FLNB: variants seen among roughly 807,000 people sequenced by gnomAD.
FLNB encodes the protein filamin-B.
In FLNB, 111 loss-of-function variants were observed where a neutral mutation model predicts 250.6. The ratio of observed to expected loss-of-function variants is 0.44; its 90% CI spans 0.38 to 0.52. FLNB has a LOEUF of 0.52. FLNB is among the 20% of genes least tolerant of loss of function. The probability of loss-of-function intolerance (pLI) is 0.00; values close to 1 mark genes in which losing one functional copy is unlikely to be tolerated. For synonymous variants in FLNB, 1,302 were observed against 1,372.1 expected, an observed-to-expected ratio of 0.95 and a Z score of 1.13; for missense variants, 2,869 against 3,447.8, an observed-to-expected ratio of 0.83 and a Z score of 4.20.
intron 1 of FLNB, among the ~76,000 whole-genome samples, chr3:58,070,660 CTTTTTTTTT>C (rs1202591087): frequency 1.1e-5 from 1 of 89,688 alleles, no homozygotes; most frequent in Non-Finnish European, 2.0e-5. Flanking sequence ...CTCTCTCTCT[CTTTTTTTTT>C]TTTTTTTTGA....
chr3:58,114,689 A>G (rs7428240), intron 18 of FLNB, among the ~76,000 whole-genome samples: 73,832 of 148,916 alleles, frequency 0.5, 20,995 homozygotes, highest in East Asian at 0.97. Context: ...CATCCTTGCT[A>G]ACATTTGTTT....
At chr3:58,053,601 C>T (rs1349310868) in intron 1 of FLNB, among the ~76,000 whole-genome samples, 3 of 152,144 alleles carry the variant, frequency 2.0e-5, no homozygotes. Context: ...GCTGGGACTA[C>T]AGACACCCAC....
chr3:58,152,468 A>C (rs2097346678), intron 38 of FLNB, among the ~76,000 whole-genome samples: 1 of 152,164 alleles, frequency 6.6e-6, no homozygotes, highest in Non-Finnish European at 1.5e-5. Flanking sequence ...TTGTATCCTC[A>C]CATGCTGGAG....
chr3:58,082,410 G>A (rs1409555010), intron 4 of FLNB, among the ~76,000 whole-genome samples: 1 of 152,154 alleles, frequency 6.6e-6, no homozygotes, highest in Non-Finnish European at 1.5e-5. Flanking sequence ...AACATGGCCA[G>A]ATACAACTTA....
At chr3:58,044,185 AT>A (rs1472322119) in intron 1 of FLNB, among the ~76,000 whole-genome samples, 1 of 152,092 alleles carries the variant, frequency 6.6e-6, no homozygotes, top group Non-Finnish European at 1.5e-5. Context: ...TTTAAGACAA[AT>A]CTGGGTGGGT....
At chr3:58,040,195 G>T (rs1241530239) in intron 1 of FLNB, among the ~76,000 whole-genome samples, 1 of 152,132 alleles carries the variant, frequency 6.6e-6, no homozygotes, top group East Asian at 1.9e-4. Context: ...CCCCAGCGCT[G>T]GCCTCTCAGG....
chr3:58,121,368 A>T lies in FLNB; in HGVS notation c.2991A>T (p.Thr997=). Residue 997 remains threonine (T), a synonymous_variant, in exon 20 of 46, where the codon ACA becomes ACT. Transcript: ENST00000295956. The part of the protein sequence containing the change: ...KVVPCLVTPV[T]GRENSTAKFI... ...TGCCATGCCTAGTGACACCTGTGAC[A>T]GGCCGGGAGAACAGCACGGCCAAGT... 6.2e-7 allele frequency: 1 copy of T among 1,614,176 alleles called. No individual in the cohort carries two copies. Among genetic ancestry groups the T allele is most frequent in the East Asian group, 2.2e-5 (1 of 44,884 alleles).
At chr3:58,038,734 T>G (rs1033084666) in intron 1 of FLNB, among the ~76,000 whole-genome samples, 6 of 152,128 alleles carry the variant, frequency 3.9e-5, no homozygotes, top group African/African-American at 1.4e-4. Flanking sequence ...GGCCGGATTT[T>G]AAAGTTCTGC....
chr3:58,010,842 C>T (rs1039013574), intron 1 of FLNB, among the ~76,000 whole-genome samples: 9 of 152,006 alleles, frequency 5.9e-5, no homozygotes, highest in South Asian at 2.1e-4. Context: ...CATCAGTGCC[C>T]GGGGCTGTGG....
At chr3:58,161,395 C>T (rs2097361512) in intron 42 of FLNB, among the ~76,000 whole-genome samples, 1 of 152,156 alleles carries the variant, frequency 6.6e-6, no homozygotes, top group African/African-American at 2.4e-5. Flanking sequence ...ATCCCCAATA[C>T]CCAAATGGAG....
Position 58,154,857 on chromosome 3 carries a change from G to A in FLNB, c.6701G>A (p.Ser2234Asn). 1.9e-6 allele frequency: 3 copies of A among 1,614,074 alleles called. No individual in the cohort carries two copies. The highest frequency in any genetic ancestry group is 2.5e-6 in the Non-Finnish European group (3 of 1,179,968). Residue 2234 changes from serine to asparagine, a missense_variant, in exon 40 of 46, where the codon AGT becomes AAT. Physicochemically the swap from Ser to Asn is conservative, Grantham distance 46. Coordinates refer to ENST00000295956, the MANE Select transcript of FLNB (RefSeq NM_001457.4). ...GGLSIAVEGP[S>N]KAEITFDDHK... ...CTCTCCATCGCTGTTGAGGGCCCCA[G>A]TAAGGCCGAGATTACATTCGATGAC...
chr3:58,155,835 A>G (rs1174680611), intron 40 of FLNB, 125 bp from the exon 41 acceptor site: 1 of 705,344 alleles, frequency 1.4e-6, no homozygotes, highest in Non-Finnish European at 2.6e-6. Context: ...CTCCCACTCA[A>G]CCAATCAGCT....
intron 1 of FLNB, among the ~76,000 whole-genome samples, chr3:58,048,955 G>A (rs1441395185): frequency 6.6e-6 from 1 of 152,184 alleles, no homozygotes; most frequent in African/African-American, 2.4e-5. Context: ...TTGTTGTCCT[G>A]TATAATGGTT....
At chr3:58,080,100 T>C (rs1171237052) in intron 3 of FLNB, among the ~76,000 whole-genome samples, 1 of 152,188 alleles carries the variant, frequency 6.6e-6, no homozygotes, top group Non-Finnish European at 1.5e-5. Context: ...AAGGAGCTGC[T>C]GGGAAGAAAT....
At position 58,170,641 on chromosome 3, in the gene FLNB, A is replaced by G. The variant is rs1275778972; in HGVS notation, c.7688A>G (p.His2563Arg). 2.5e-6 allele frequency: 4 copies of G among 1,614,030 alleles called. No individual in the cohort carries two copies. The highest frequency in any genetic ancestry group is 2.2e-5 in the South Asian group (2 of 91,090). Residue 2563 changes from histidine (H) to arginine (R), a missense_variant, in exon 46 of 46, where the codon CAT becomes CGT. Physicochemically the swap from His to Arg is conservative, Grantham distance 29 (BLOSUM62 0). Around this residue, in one of 5 missense-constraint regions of FLNB, gnomAD observed 1,084 missense variants for 1,315.5 expected, o/e 0.82. Coordinates refer to ENST00000295956, the MANE Select transcript of FLNB (RefSeq NM_001457.4). ...TTPCEEVSMK[H>R]VGNQQYNVTY... ...CCCTGCGAGGAGGTCTCCATGAAGC[A>G]TGTAGGCAACCAGCAATACAACGTC...
intron 38 of FLNB, among the ~76,000 whole-genome samples, chr3:58,151,769 C>G (rs141941825): frequency 5.9e-4 from 90 of 152,368 alleles, no homozygotes; most frequent in African/African-American, 2.1e-3. Context: ...CTCCCATCAT[C>G]AGGGCTGCTG....
Position 58,169,898 on chromosome 3 carries a change from T to C in FLNB, c.7621+105T>C, listed in dbSNP as rs544056262. The C allele has an allele frequency of 5.8e-5, 46 of 794,276 alleles. No individual in the cohort carries two copies. The highest frequency in any genetic ancestry group is 5.7e-4 in the African/African-American group (33 of 58,202). The allele number at this position is 794,276 out of a possible 1,614,324, so 49.2% of individuals were successfully genotyped here. A position where few individuals can be genotyped will look rare whatever the true frequency, so the allele number is the denominator to read the frequency against. ...AGGTCTCCTGCAGTGCCCACCCCCA[T>C]GTAGGCCAGCCGTTTGCAAGTAACC... is the stretch of plus-strand genomic sequence containing the variant. On this transcript the variant is annotated intron_variant, in intron 45 of 45. Transcript: ENST00000295956. The surrounding 1 kb of genome is among the most constrained non-coding windows in gnomAD (Gnocchi z 4.8).
intron 3 of FLNB, among the ~76,000 whole-genome samples, chr3:58,080,728 G>A (rs1452744200): frequency 4.1e-5 from 6 of 146,130 alleles, no homozygotes; most frequent in East Asian, 4.1e-4. Flanking sequence ...TCCTGACCTC[G>A]TGATCCACCC....
In FLNB at chr3:58,008,781, CGCCAGATGCA is replaced by C; in HGVS notation, c.220_229del (p.Gln74SerfsTer31). The C allele has an allele frequency of 6.2e-7, 1 of 1,613,976 alleles. No homozygotes were observed. Among genetic ancestry groups the C allele is most frequent in the South Asian group, 1.1e-5 (1 of 91,080 alleles). ...CAAGTACCATCAGCGGCCCACCTTT[CGCCAGATGCA>C]GCTCGAGAATGTGTCCGTGGCGCTC... On this transcript the variant is annotated frameshift_variant, in exon 1 of 46. Transcript: ENST00000295956. LOFTEE classifies it high-confidence loss of function.
Sources: gnomAD v4.1 joint callset for allele counts (sites outside exome capture counted in the v4.1 genomes callset) on GRCh38, gnomAD v4.1.1 for gene constraint, gnomAD v4.1.1 regional missense constraint, Gnocchi (gnomAD v3.1) non-coding constraint, MANE v1.5 for transcripts, NCBI Gene and HGNC (gene_info 2026-07-23, HGNC 2026-07-21) for gene names.